DCC: variants seen among roughly 807,000 people sequenced by gnomAD.
DCC encodes the protein DCC netrin 1 receptor.
In DCC, 58 loss-of-function variants were observed where a neutral mutation model predicts 172.5. That is an observed-to-expected ratio of 0.34 (90% CI 0.27 to 0.42). The LOEUF (loss-of-function observed/expected upper bound fraction) is 0.42. Among genes scored for constraint, DCC ranks in the 10% least tolerant of loss-of-function variants. DCC has a pLI of 1.00. For missense variants in DCC, 1,740 were observed against 1,791.0 expected, an observed-to-expected ratio of 0.97 and a Z score of 0.51; for synonymous variants, 709 against 644.5, an observed-to-expected ratio of 1.10 and a Z score of -1.52.
intron 5 of DCC, among the ~76,000 whole-genome samples, chr18:53,023,500 T>C (rs1403987640): frequency 6.9e-6 from 1 of 145,622 alleles, no homozygotes; most frequent in Non-Finnish European, 1.5e-5. Flanking sequence ...TGTGATGAAA[T>C]AATTTGTGTA....
chr18:53,231,148 A>G (rs776994942), intron 12 of DCC, among the ~76,000 whole-genome samples: 2 of 152,084 alleles, frequency 1.3e-5, no homozygotes, highest in African/African-American at 4.8e-5. Flanking sequence ...ATAAGAAAAT[A>G]TACTTACTCT....
intron 9 of DCC, among the ~76,000 whole-genome samples, chr18:53,201,026 C>G (rs1372539710): frequency 6.6e-6 from 1 of 152,116 alleles, no homozygotes; most frequent in East Asian, 1.9e-4. Context: ...TCCTTTGCCC[C>G]TTGAAACTTG....
chr18:52,592,547 T>C (rs2033822424), intron 1 of DCC, among the ~76,000 whole-genome samples: 1 of 152,172 alleles, frequency 6.6e-6, no homozygotes, highest in African/African-American at 2.4e-5. Context: ...ACTTTGTCGG[T>C]GACTTGAGCA....
chr18:53,418,159 C>T (rs1024589405), intron 21 of DCC, among the ~76,000 whole-genome samples: 10 of 152,088 alleles, frequency 6.6e-5, no homozygotes, highest in African/African-American at 2.4e-4. Context: ...GTTAGTTGAT[C>T]AAGTTGATAG....
intron 7 of DCC, among the ~76,000 whole-genome samples, chr18:53,106,345 A>G (rs2043247319): frequency 6.6e-6 from 1 of 151,660 alleles, no homozygotes; most frequent in Admixed American, 6.6e-5. Context: ...TTTGGGACTC[A>G]TTTGCTTACT....
intron 12 of DCC, among the ~76,000 whole-genome samples, chr18:53,252,353 A>AC (rs1020727926): frequency 1.3e-5 from 2 of 151,916 alleles, no homozygotes; most frequent in African/African-American, 4.8e-5. Flanking sequence ...AAAAAGAATG[A>AC]CCCCAAAGAA....
At chr18:53,108,337 A>C (rs912116592) in intron 7 of DCC, among the ~76,000 whole-genome samples, 1 of 151,788 alleles carries the variant, frequency 6.6e-6, no homozygotes, top group Admixed American at 6.6e-5. Flanking sequence ...CCTGAATTGT[A>C]TTGAAACTTC....
intron 12 of DCC, among the ~76,000 whole-genome samples, chr18:53,225,964 A>C (rs1365364835): frequency 2.6e-5 from 4 of 152,188 alleles, no homozygotes; most frequent in Non-Finnish European, 5.9e-5. Flanking sequence ...TGGAAGAAAA[A>C]AATGGGCATG....
Position 52,853,795 on chromosome 18 carries a change from GC to G in DCC, c.413-52248del, listed in dbSNP as rs1389530665. Among the ~76,000 whole-genome samples the G allele has an allele frequency of 2.6e-5, 4 of 152,176 alleles. No homozygotes were observed. The East Asian group carries it at 7.7e-4, about 29-fold the overall frequency. Reference sequence around the variant, plus strand: ...AGATAGGGTAGAGATAACCCAACATGCAAAAATGATGATTTTTACAACTGAT... The same window carrying G: ...AGATAGGGTAGAGATAACCCAACATGAAAAATGATGATTTTTACAACTGAT... On this transcript the variant is annotated intron_variant, in intron 2 of 28. Coordinates refer to ENST00000442544, the MANE Select transcript of DCC (RefSeq NM_005215.4).
intron 22 of DCC, among the ~76,000 whole-genome samples, chr18:53,437,771 G>A (rs546171351): frequency 9.2e-5 from 14 of 152,100 alleles, no homozygotes; most frequent in African/African-American, 2.9e-4. Flanking sequence ...TCAACAATAA[G>A]CCAAAAACAT....
chr18:52,851,371 A>T (rs542977163), intron 2 of DCC, among the ~76,000 whole-genome samples: 1 of 152,188 alleles, frequency 6.6e-6, no homozygotes, highest in East Asian at 1.9e-4. Context: ...AGAGTTTTTC[A>T]GACAATAGAA....
intron 1 of DCC, among the ~76,000 whole-genome samples, chr18:52,480,741 A>G (rs73955696): frequency 0.058 from 8,875 of 152,236 alleles, 316 homozygotes; most frequent in South Asian, 0.12. Flanking sequence ...AGATTTAAAG[A>G]ATCTATAGTT....
chr18:52,778,846 A>G (rs2037480759), intron 2 of DCC, among the ~76,000 whole-genome samples: 2 of 152,202 alleles, frequency 1.3e-5, no homozygotes, highest in Admixed American at 6.5e-5. Flanking sequence ...GGCATTGTAT[A>G]TGATAGGAGA....
chr18:53,263,787 T>C (rs1051041857), intron 12 of DCC, among the ~76,000 whole-genome samples: 1 of 151,922 alleles, frequency 6.6e-6, no homozygotes, highest in Non-Finnish European at 1.5e-5. Context: ...AATATTACTT[T>C]TATATTTTTA....
chr18:53,341,104 A>C (rs1326264470), intron 15 of DCC, among the ~76,000 whole-genome samples: 1 of 152,210 alleles, frequency 6.6e-6, no homozygotes, highest in Non-Finnish European at 1.5e-5. Context: ...ATGTAAAGGC[A>C]ATCACAAAAC....
At chr18:53,096,046 C>T (rs1405182199) in intron 7 of DCC, among the ~76,000 whole-genome samples, 3 of 151,914 alleles carry the variant, frequency 2.0e-5, no homozygotes, top group Non-Finnish European at 4.4e-5. Context: ...CTGAGATATA[C>T]CTAATGCTAA....
At chr18:52,980,437 A>G (rs572234661) in intron 5 of DCC, among the ~76,000 whole-genome samples, 1 of 152,300 alleles carries the variant, frequency 6.6e-6, no homozygotes, top group South Asian at 2.1e-4. Context: ...AGTTATAGTC[A>G]GGTCTAATGA....
chr18:52,869,191 G>A (rs765040050), intron 2 of DCC, among the ~76,000 whole-genome samples: 13 of 152,196 alleles, frequency 8.5e-5, no homozygotes, highest in South Asian at 2.1e-4. Flanking sequence ...TTCTCGTCCC[G>A]CAACCAGGAA....
At chr18:52,829,344 G>T (rs1424524605) in intron 2 of DCC, among the ~76,000 whole-genome samples, 1 of 152,188 alleles carries the variant, frequency 6.6e-6, no homozygotes, top group Non-Finnish European at 1.5e-5. Flanking sequence ...AGTCCTAGTT[G>T]CAGTGCTGGA....
Sources: gnomAD v4.1 joint callset for allele counts (sites outside exome capture counted in the v4.1 genomes callset) on GRCh38, gnomAD v4.1.1 for gene constraint, MANE v1.5 for transcripts, NCBI Gene and HGNC (gene_info 2026-07-23, HGNC 2026-07-21) for gene names.